PTPRU: variants seen among roughly 807,000 people sequenced by gnomAD.
PTPRU encodes receptor-type tyrosine-protein phosphatase U.
Under a neutral mutation model 166.3 loss-of-function variants are expected in PTPRU, and 69 were observed. The ratio of observed to expected loss-of-function variants is 0.41; its 90% CI spans 0.34 to 0.51. The LOEUF is 0.51. Ranked by LOEUF, PTPRU falls within the 20% of genes least tolerant of loss-of-function variation. PTPRU has a pLI of 0.09. For synonymous variants in PTPRU, 793 were observed against 814.0 expected (o/e 0.97, Z 0.44); for missense variants, 1,657 against 2,013.7 (o/e 0.82, Z 3.39).
In PTPRU at chr1:29,237,866, C is replaced by T. The variant is rs1683847921; in HGVS notation, c.73+1149C>T. Among the ~76,000 whole-genome samples, 2 of 146,248 alleles carry T rather than the reference C, an allele frequency of 1.4e-5. No homozygotes were observed. The highest frequency in any genetic ancestry group is 6.8e-5 in the Admixed American group (1 of 14,764). On this transcript the variant is annotated intron_variant, in intron 1 of 29. Transcript: ENST00000373779. The surrounding 1 kb of genome is among the most constrained non-coding windows in gnomAD (Gnocchi z 6.4). ...CTGCGGTGGCCGGGCCGCGGCTGCGCCCCGGGCGGCCGGGCGGGGGCTGTC... is the reference window on the plus strand; with the variant it reads ...CTGCGGTGGCCGGGCCGCGGCTGCGTCCCGGGCGGCCGGGCGGGGGCTGTC...
chr1:29,297,300 C>G (rs1050038958), intron 15 of PTPRU, among the ~76,000 whole-genome samples: 6 of 151,422 alleles, frequency 4.0e-5, no homozygotes, highest in African/African-American at 1.5e-4. Flanking sequence ...AGTGATCCAC[C>G]CGTCTTGGCC....
intron 13 of PTPRU, among the ~76,000 whole-genome samples, chr1:29,284,212 C>G (rs1342403356): frequency 6.6e-6 from 1 of 152,068 alleles, no homozygotes; most frequent in African/African-American, 2.4e-5. Context: ...TATAGTTGGG[C>G]CTTGGGGGTG....
Position 29,291,327 on chromosome 1 carries a change from C to T in PTPRU, c.2319-542C>T, listed in dbSNP as rs960169689. 2.0e-5 allele frequency among the ~76,000 whole-genome samples: 3 copies of T among 151,924 alleles called. No homozygotes were observed. The highest frequency in any genetic ancestry group is 6.5e-5 in the Admixed American group (1 of 15,268). On this transcript the variant is annotated intron_variant, in intron 14 of 29. Transcript: ENST00000373779. The surrounding 1 kb of genome is among the most constrained non-coding windows in gnomAD (Gnocchi z 4.1). The stretch of plus-strand genomic sequence containing the variant: ...TCATTCTGTGCGTGGGGGAAGCCCC[C>T]GAGCTCTGGCTGAGCACAAGCTAGA...
chr1:29,289,532 G>A, intron 14 of PTPRU: 1 of 798,548 alleles, frequency 1.3e-6, no homozygotes, highest in Non-Finnish European at 2.0e-6. Context: ...TGACCAGGGA[G>A]GTCCTCCTGA....
At chr1:29,308,309 G>T (rs990510205) in intron 18 of PTPRU, among the ~76,000 whole-genome samples, 1 of 148,926 alleles carries the variant, frequency 6.7e-6, no homozygotes, top group Non-Finnish European at 1.5e-5. Context: ...TTAAGAGATG[G>T]GGTCTTCTCA....
Position 29,315,432 on chromosome 1 carries a change from GT to G in PTPRU, c.3289del (p.Cys1097ValfsTer11). ...VLDVMLDMAE[C>X]EGVVDIYNCV... ...TGGATGTGATGCTGGACATGGCAGAGTGTGAGGGCGTCGTGGACATTTACAA... is the reference window on the plus strand; with the variant it reads ...TGGATGTGATGCTGGACATGGCAGAGGTGAGGGCGTCGTGGACATTTACAA... On this transcript the variant is annotated frameshift_variant, in exon 23 of 30. Transcript: ENST00000373779. LOFTEE classifies it high-confidence loss of function. The surrounding 1 kb of genome is among the most constrained non-coding windows in gnomAD (Gnocchi z 4.5). 1.9e-6 allele frequency: 3 copies of G among 1,614,246 alleles called. No homozygotes were observed. Among genetic ancestry groups the G allele is most frequent in the Non-Finnish European group, 2.5e-6 (3 of 1,180,040 alleles).
At position 29,317,900 on chromosome 1, in the gene PTPRU, C is replaced by T. The variant is rs1390977360; in HGVS notation, c.3666C>T (p.Tyr1222=). ...LISTDGDSNN[Y]INAALTDSYT... ...CCACTGATGGGGACTCCAACAACTA[C>T]ATTAATGCAGCCCTGACTGACGTGA... Residue 1222 remains tyrosine (Y), a synonymous_variant, in exon 25 of 30, where the codon TAC becomes TAT. Coordinates refer to ENST00000373779, the MANE Select transcript of PTPRU (RefSeq NM_133178.4). This position sits in a 1 kb window ranked among gnomAD's most constrained non-coding sequence, Gnocchi z 5.6. The T allele has an allele frequency of 6.8e-6, 11 of 1,613,900 alleles. No individual in the cohort carries two copies. The African/African-American group carries it at 9.3e-5, about 14-fold the overall frequency.
intron 1 of PTPRU, among the ~76,000 whole-genome samples, chr1:29,251,705 T>C (rs571196767): frequency 6.6e-6 from 1 of 152,316 alleles, no homozygotes; most frequent in African/African-American, 2.4e-5. Flanking sequence ...GCCAAGGGGC[T>C]GGCACTCCCA....
At chr1:29,303,237 G>A (rs1031243460) in intron 15 of PTPRU, among the ~76,000 whole-genome samples, 3 of 152,228 alleles carry the variant, frequency 2.0e-5, no homozygotes, top group Non-Finnish European at 2.9e-5. Context: ...AGCCGGGGAC[G>A]GGGTGGTCCT....
At chr1:29,299,221 G>T (rs1687030578) in intron 15 of PTPRU, among the ~76,000 whole-genome samples, 2 of 152,204 alleles carry the variant, frequency 1.3e-5, no homozygotes, top group African/African-American at 4.8e-5. Flanking sequence ...CTGGGCCTCA[G>T]CCCTCCCCAT....
In PTPRU at chr1:29,260,877, C is replaced by G; in HGVS notation, c.1118C>G (p.Pro373Arg). 6.3e-7 allele frequency: 1 copy of G among 1,586,466 alleles called. No individual in the cohort carries two copies. Among genetic ancestry groups the G allele is most frequent in the Non-Finnish European group, 8.6e-7 (1 of 1,168,870 alleles). ...GDGGTGRPGP[P>R]LISRTKCAEP... ...GGCGGCACTGGCCGCCCTGGGCCAC[C>G]CCTCATCAGCCGCACCAAATGCGCA... The change falls in exon 7 of 30, where the codon CCC becomes CGC. Residue 373 changes from proline to arginine, a missense_variant. Pro to Arg is a moderately radical substitution (Grantham distance 103). This residue lies in a region of PTPRU where 1,190 missense variants were observed against 1,477.4 expected (regional missense o/e 0.81). Transcript: ENST00000373779. This position sits in a 1 kb window ranked among gnomAD's most constrained non-coding sequence, Gnocchi z 8.3.
intron 14 of PTPRU, among the ~76,000 whole-genome samples, chr1:29,286,248 G>C (rs1277905351): frequency 6.6e-6 from 1 of 152,166 alleles, no homozygotes; most frequent in Non-Finnish European, 1.5e-5. Flanking sequence ...CTTTAAGAGA[G>C]ACTATTTTAA....
chr1:29,292,898 C>T (rs538395828), intron 15 of PTPRU, among the ~76,000 whole-genome samples: 6 of 150,732 alleles, frequency 4.0e-5, no homozygotes, highest in Non-Finnish European at 7.4e-5. Flanking sequence ...TCACTGTAAC[C>T]TCTGCCTCCC....
chr1:29,311,825 T>G lies in PTPRU; in HGVS notation c.3072+66T>G. 2 of 1,450,498 alleles carry G rather than the reference T, an allele frequency of 1.4e-6. No individual in the cohort carries two copies. The highest frequency in any genetic ancestry group is 1.9e-6 in the Non-Finnish European group (2 of 1,043,432). The allele number at this position is 1,450,498 out of a possible 1,614,324, so 89.9% of individuals were successfully genotyped here. A position where few individuals can be genotyped will look rare whatever the true frequency, so the allele number is the denominator to read the frequency against. On this transcript the variant is annotated intron_variant, in intron 21 of 29. Transcript: ENST00000373779. The surrounding 1 kb of genome is among the most constrained non-coding windows in gnomAD (Gnocchi z 4.1). ...AGCAGGGATTAGAGCCCACTCCCAC[T>G]TCCCCCAGCCCTGGGAGCAGGAGGG...
chr1:29,259,531 C>G lies in PTPRU; in HGVS notation c.642C>G (p.Gly214=), dbSNP rs550684997. The G allele has an allele frequency of 3.5e-5, 56 of 1,601,956 alleles. 2 individuals carry two copies. In the South Asian group the frequency reaches 5.4e-4, roughly 15 times the overall value. Residue 214 remains glycine, a synonymous_variant, in exon 5 of 30, where the codon GGC becomes GGG. Transcript: ENST00000373779. The stretch of plus-strand genomic sequence containing the variant: ...CGTCGTTCCAGTGCATGGCCGCGGG[C>G]AGAGCGGCCGAGGCCGAACGCTTCC... ...QNASFQCMAA[G]RAAEAERFLL... is the part of the protein sequence containing the mutation.
Position 29,304,689 on chromosome 1 carries a change from C to T in PTPRU, c.2668-85C>T, listed in dbSNP as rs111574588. 2.8e-6 allele frequency: 3 copies of T among 1,059,936 alleles called. No homozygotes were observed. In the South Asian group the frequency reaches 5.0e-5, roughly 18 times the overall value. The allele number at this position is 1,059,936 out of a possible 1,614,324, so 65.7% of individuals were successfully genotyped here. On this transcript the variant is annotated intron_variant, in intron 16 of 29. Coordinates refer to ENST00000373779, the MANE Select transcript of PTPRU (RefSeq NM_133178.4). ...CTGGCCCTTATCATCCCACCCCCAT[C>T]CTGCCTACATCATCCCCACTGAGGG...
At chr1:29,325,457 C>A in intron 29 of PTPRU, 131 bp downstream of exon 29, 1 of 1,506,704 alleles carries the variant, frequency 6.6e-7, no homozygotes, top group Non-Finnish European at 9.2e-7. Flanking sequence ...GGTCCTAAAA[C>A]ATTACCCCCA....
Position 29,279,183 on chromosome 1 carries a change from C to T in PTPRU, c.1563+62C>T. On this transcript the variant is annotated intron_variant, in intron 9 of 29. Transcript: ENST00000373779. This position sits in a 1 kb window ranked among gnomAD's most constrained non-coding sequence, Gnocchi z 5.2. ...TGGAAGGTGAGAGGTGGCCCTCTTTCTCTCTGCTGCTACAGTAGGAGGTGC... is the reference window on the plus strand; with the variant it reads ...TGGAAGGTGAGAGGTGGCCCTCTTTTTCTCTGCTGCTACAGTAGGAGGTGC... 1 of 1,350,446 alleles carries T rather than the reference C, an allele frequency of 7.4e-7. No homozygotes were observed. Among genetic ancestry groups the T allele is most frequent in the Non-Finnish European group, 1.0e-6 (1 of 965,918 alleles). The allele number at this position is 1,350,446 out of a possible 1,614,324, so 83.7% of individuals were successfully genotyped here. A position where few individuals can be genotyped will look rare whatever the true frequency, so the allele number is the denominator to read the frequency against.
chr1:29,276,172 T>G (rs1685795250), intron 8 of PTPRU, among the ~76,000 whole-genome samples: 1 of 152,180 alleles, frequency 6.6e-6, no homozygotes, highest in South Asian at 2.1e-4. Context: ...TTTTATTTAT[T>G]TAGAGACAGA....
Sources: allele counts gnomAD v4.1 joint callset (sites outside exome capture counted in the v4.1 genomes callset), GRCh38; gene constraint gnomAD v4.1.1; regional missense constraint gnomAD v4.1.1; non-coding constraint Gnocchi (gnomAD v3.1); transcripts MANE v1.5; gene names NCBI Gene and HGNC (gene_info 2026-07-23, HGNC 2026-07-21).